Variants in UTP20 observed in about 807,000 individuals in gnomAD.
The protein encoded by UTP20 is UTP20 small subunit processome component, also known as small subunit processome component 20 homolog.
UTP20 carries 164 observed loss-of-function variants against 329.5 expected under a neutral mutation model. The ratio of observed to expected loss-of-function variants is 0.50; its 90% confidence interval spans 0.44 to 0.57. The LOEUF (loss-of-function observed/expected upper bound fraction) is 0.57, where lower values mean the gene tolerates loss of function less well. Ranked by LOEUF, UTP20 falls within the 20% of genes least tolerant of loss-of-function variation. UTP20 has a pLI of 0.00. For synonymous variants in UTP20, 1,151 were observed against 1,159.3 expected, an observed-to-expected ratio of 0.99 and a Z score of 0.14; for missense variants, 3,055 against 3,284.2, an observed-to-expected ratio of 0.93 and a Z score of 1.71.
intron 15 of UTP20, 51 bp downstream of exon 15, chr12:101,302,604 T>C (rs759739088): frequency 1.6e-6 from 2 of 1,231,792 alleles, no homozygotes; most frequent in South Asian, 2.8e-5. Context: ...TATAAAAGCC[T>C]CTATTGTTGT....
intron 33 of UTP20, 82 bp from the exon 34 acceptor site, chr12:101,342,705 T>G: frequency 6.5e-7 from 1 of 1,531,456 alleles, no homozygotes; most frequent in Non-Finnish European, 8.9e-7. Context: ...TGAATTTGAA[T>G]GGGGACAGGT....
At position 101,365,073 on chromosome 12, in the gene UTP20, TGTGTGTGTGTGTG is replaced by T. The variant is rs1200153840; in HGVS notation, c.5959-385_5959-373del. ...TGAGGAGTGAATACATTTTGTTGATTGTGTGTGTGTGTGTGTGTGTGTGTGTGTGTGTGTGTGT... is the reference window on the plus strand; with the variant it reads ...TGAGGAGTGAATACATTTTGTTGATTTGTGTGTGTGTGTGTGTGTGTGTGT... On this transcript the variant is annotated intron_variant, in intron 45 of 61. Transcript: ENST00000261637. Among the ~76,000 whole-genome samples the T allele has an allele frequency of 2.4e-4, 3 of 12,750 alleles. No homozygotes were observed. In the African/African-American group the frequency reaches 3.3e-3, roughly 14 times the overall value. 8.4% of individuals were successfully genotyped at this position (12,750 alleles called of 152,430 possible).
Position 101,361,970 on chromosome 12 carries a change from G to A in UTP20, c.5700G>A (p.Val1900=). The A allele has an allele frequency of 6.2e-7, 1 of 1,613,288 alleles. No homozygotes were observed. The highest frequency in any genetic ancestry group is 1.3e-5 in the African/African-American group (1 of 74,996). ...TGTGTGTCTCATGTTAGGTCCATGT[G>A]CTGACTTTCACCGTTCACATGCTGC... ...TTLVRGYQVH[V]LTFTVHMLLQ... is the part of the protein sequence containing the mutation. The change falls in exon 44 of 62, where the codon GTG becomes GTA. Residue 1900 remains valine (V), a synonymous_variant. Transcript: ENST00000261637.
chr12:101,323,507 G>A (rs901970135), intron 25 of UTP20, among the ~76,000 whole-genome samples: 2 of 152,016 alleles, frequency 1.3e-5, no homozygotes, highest in African/African-American at 2.4e-5. Flanking sequence ...TTTTTTGATT[G>A]TTTTAATTCT....
chr12:101,366,712 C>G lies in UTP20; in HGVS notation c.6267+13C>G. On this transcript the variant is annotated intron_variant, in intron 47 of 61. Coordinates refer to ENST00000261637, the MANE Select transcript of UTP20 (RefSeq NM_014503.3). ...GTCCGGGCTTCGGGTAAGAATTAACCTTAAAATGAGACTTGCTACTTTCAG... is the reference window on the plus strand; with the variant it reads ...GTCCGGGCTTCGGGTAAGAATTAACGTTAAAATGAGACTTGCTACTTTCAG... 1 of 1,609,612 alleles carries G rather than the reference C, an allele frequency of 6.2e-7. No individual in the cohort carries two copies. Among genetic ancestry groups the G allele is most frequent in the African/African-American group, 1.3e-5 (1 of 74,938 alleles).
intron 14 of UTP20, among the ~76,000 whole-genome samples, chr12:101,300,959 T>C (rs1300739815): frequency 6.6e-6 from 1 of 152,200 alleles, no homozygotes; most frequent in East Asian, 1.9e-4. Flanking sequence ...TGGTAAAATC[T>C]TTTTGTAAAG....
chr12:101,299,869 G>C (rs746268628), intron 13 of UTP20, 32 bp downstream of exon 13: 2 of 1,600,962 alleles, frequency 1.2e-6, no homozygotes, highest in East Asian at 4.5e-5. Context: ...AATTTTGAAA[G>C]AGATAACATG....
At chr12:101,381,249 C>T (rs76616861) in intron 58 of UTP20, 38 bp downstream of exon 58, 33,174 of 1,566,214 alleles carry the variant, frequency 0.021, 435 homozygotes, top group Non-Finnish European at 0.024. Context: ...AAGAAGGGGC[C>T]GGCTGGGCAT....
chr12:101,288,914 A>G, intron 5 of UTP20, 46 bp from the exon 6 acceptor site: 1 of 1,513,440 alleles, frequency 6.6e-7, no homozygotes, highest in Non-Finnish European at 9.1e-7. Context: ...TGTATTTATT[A>G]CAATTATATG....
intron 25 of UTP20, among the ~76,000 whole-genome samples, chr12:101,324,197 C>T (rs1011853007): frequency 6.7e-6 from 1 of 149,894 alleles, no homozygotes; most frequent in Non-Finnish European, 1.5e-5. Context: ...TCTAAACTTT[C>T]TCTACTGATT....
At position 101,290,753 on chromosome 12, in the gene UTP20, A is replaced by T; in HGVS notation, c.756A>T (p.Arg252=). 1 of 1,605,736 alleles carries T rather than the reference A, an allele frequency of 6.2e-7. No individual in the cohort carries two copies. Among genetic ancestry groups the T allele is most frequent in the Non-Finnish European group, 8.5e-7 (1 of 1,177,914 alleles). ...CTGQAVKLIL[R]KLGPVTETET... is the part of the protein sequence containing the mutation. ...CACAGGCAGTGAAGCTAATTTTGCG[A>T]AAGCTAGGACCAGTCACTGAAACAG... The change falls in exon 8 of 62, where the codon CGA becomes CGT. Residue 252 remains arginine (R), a synonymous_variant. Coordinates refer to ENST00000261637, the MANE Select transcript of UTP20 (RefSeq NM_014503.3).
chr12:101,285,846 A>C lies in UTP20; in HGVS notation c.291A>C (p.Gln97His), dbSNP rs772296088. The change falls in exon 4 of 62, where the codon CAA becomes CAC. Residue 97 changes from glutamine (Q) to histidine (H), a missense_variant. Transcript: ENST00000261637. ...TTCAGAGTTTGAAGACTCACCTGCA[A>C]GTTAAGAACAGTTTTGCCTATCAAC... ...EIVQSLKTHL[Q>H]VKNSFAYQPL... 3 of 1,613,784 alleles carry C rather than the reference A, an allele frequency of 1.9e-6. No individual in the cohort carries two copies. The highest frequency in any genetic ancestry group is 3.3e-5 in the Admixed American group (2 of 60,006).
intron 48 of UTP20, 150 bp downstream of exon 48, chr12:101,368,126 GT>G (rs377394929): frequency 0.071 from 31,466 of 440,210 alleles, 348 homozygotes; most frequent in African/African-American, 0.14. Flanking sequence ...GGGTTTTTGG[GT>G]TTTTTTTTTT....
chr12:101,295,103 T>A (rs1872305598), intron 11 of UTP20, among the ~76,000 whole-genome samples: 1 of 152,214 alleles, frequency 6.6e-6, no homozygotes. Flanking sequence ...TGCTTCTCTC[T>A]TGTTTCCTGG....
chr12:101,374,868 G>A lies in UTP20; in HGVS notation c.7192G>A (p.Asp2398Asn). Reference sequence around the variant, plus strand: ...CTTGTTTGTGGAAAGTGAAGGAGTTGATTTTGAGAAAAGACTTGGAACTGT... The same window carrying A: ...CTTGTTTGTGGAAAGTGAAGGAGTTAATTTTGAGAAAAGACTTGGAACTGT... Reference protein sequence around the residue: ...CGLFVESEGVDFEKRLGTVLP... With the variant: ...CGLFVESEGVNFEKRLGTVLP... The change falls in exon 55 of 62, where the codon GAT becomes AAT. Residue 2398 changes from aspartate (D) to asparagine (N), a missense_variant. Asp to Asn is a conservative substitution (Grantham distance 23, BLOSUM62 1). Transcript: ENST00000261637. The A allele has an allele frequency of 6.4e-7, 1 of 1,563,448 alleles. No individual in the cohort carries two copies. The highest frequency in any genetic ancestry group is 8.8e-7 in the Non-Finnish European group (1 of 1,133,918).
At chr12:101,381,975 C>A (rs1757862901) in intron 58 of UTP20, among the ~76,000 whole-genome samples, 1 of 142,528 alleles carries the variant, frequency 7.0e-6, no homozygotes, top group African/African-American at 2.6e-5. Context: ...GCCAAAATCA[C>A]CACACTGCAC....
intron 11 of UTP20, among the ~76,000 whole-genome samples, chr12:101,293,525 A>G (rs1002910224): frequency 2.0e-5 from 3 of 152,238 alleles, no homozygotes; most frequent in Non-Finnish European, 4.4e-5. Context: ...TTGTGAAACA[A>G]TTTGCACTGG....
chr12:101,377,033 A>G (rs189791455), intron 56 of UTP20, among the ~76,000 whole-genome samples: 2 of 152,164 alleles, frequency 1.3e-5, no homozygotes, highest in East Asian at 3.9e-4. Flanking sequence ...CACCTGCCTC[A>G]GCCTCCCAAA....
At chr12:101,350,801 T>C (rs1869491016) in intron 38 of UTP20, among the ~76,000 whole-genome samples, 1 of 152,086 alleles carries the variant, frequency 6.6e-6, no homozygotes, top group Non-Finnish European at 1.5e-5. Flanking sequence ...TGTGGTTCTT[T>C]TCCCGTGTCT....
Sources: allele counts gnomAD v4.1 joint callset (sites outside exome capture counted in the v4.1 genomes callset), GRCh38; gene constraint gnomAD v4.1.1; transcripts MANE v1.5; gene names NCBI Gene and HGNC (gene_info 2026-07-23, HGNC 2026-07-21).